Variants in METTL15 observed in about 807,000 individuals in gnomAD.
METTL15 encodes the protein methyltransferase 15, mitochondrial 12S rRNA N4-cytidine.
METTL15 carries 34 observed loss-of-function variants against 38.3 expected under a neutral mutation model. The ratio of observed to expected loss-of-function variants is 0.89; its 90% CI spans 0.68 to 1.18. The LOEUF is 1.18. Among genes scored for constraint, METTL15 ranks in the 50% most tolerant of loss-of-function variants. The pLI, the probability that METTL15 is intolerant of heterozygous loss-of-function variation, is 0.00. For synonymous variants in METTL15, 162 were observed against 170.9 expected (o/e 0.95, Z 0.41); for missense variants, 438 against 498.4 (o/e 0.88, Z 1.15).
intron 6 of METTL15, among the ~76,000 whole-genome samples, chr11:28,426,596 T>TTTG (rs1247378711): frequency 6.6e-6 from 1 of 151,102 alleles, no homozygotes; most frequent in African/African-American, 2.4e-5. Context: ...TTTTTTTTTT[T>TTTG]TTTTTTTTTT....
At chr11:28,272,999 A>C (rs1295170300) in intron 4 of METTL15, among the ~76,000 whole-genome samples, 1 of 152,178 alleles carries the variant, frequency 6.6e-6, no homozygotes, top group South Asian at 2.1e-4. Context: ...CTCTAAGCCA[A>C]CGTTTCTATA....
intron 5 of METTL15, among the ~76,000 whole-genome samples, chr11:28,292,760 G>A (rs1193143382): frequency 6.6e-6 from 1 of 152,160 alleles, no homozygotes; most frequent in Non-Finnish European, 1.5e-5. Flanking sequence ...TCTAACTGGT[G>A]TGAGATGGTA....
chr11:28,347,492 T>G (rs138481401), intron 3 of METTL15, among the ~76,000 whole-genome samples: 1 of 152,358 alleles, frequency 6.6e-6, no homozygotes, highest in African/African-American at 2.4e-5. Flanking sequence ...TTTCTCCTAA[T>G]AAACTCCTTC....
chr11:28,436,855 A>T (rs1433754984), intron 6 of METTL15, among the ~76,000 whole-genome samples: 1 of 151,942 alleles, frequency 6.6e-6, no homozygotes, highest in African/African-American at 2.4e-5. Context: ...GTCTATGGGG[A>T]TGTTGTGAAA....
At chr11:28,328,257 A>G in intron 6 of METTL15, 7 of 1,247,130 alleles carry the variant, frequency 5.6e-6, no homozygotes, top group Non-Finnish European at 7.7e-6. Context: ...AGTGTCTAAC[A>G]TTCTCCAGAC....
intron 3 of METTL15, among the ~76,000 whole-genome samples, chr11:28,143,381 T>G (rs1344141287): frequency 6.6e-6 from 1 of 152,156 alleles, no homozygotes; most frequent in Non-Finnish European, 1.5e-5. Flanking sequence ...GACTCTTAAT[T>G]CCCAGCAGTA....
chr11:28,198,301 A>T (rs1205392072), intron 3 of METTL15, among the ~76,000 whole-genome samples: 1 of 152,110 alleles, frequency 6.6e-6, no homozygotes, highest in African/African-American at 2.4e-5. Context: ...CTATGATTAA[A>T]TACATCCTAT....
At position 28,488,001 on chromosome 11, in the gene METTL15, A is replaced by G. The variant is rs530125159; in HGVS notation, c.*425-38477A>G. 5.3e-5 allele frequency among the ~76,000 whole-genome samples: 8 copies of G among 152,300 alleles called. No homozygotes were observed. The East Asian group carries it at 1.5e-3, about 29-fold the overall frequency. ...TGTAGCTAGCATCAGAACTCTAGCT[A>G]GTGTCTACACTGAGGACAGGACAAT... On this transcript the variant is annotated intron_variant and NMD_transcript_variant, in intron 6 of 7. Coordinates refer to the METTL15 transcript ENST00000532947.
chr11:28,360,199 T>C (rs1025289774), intron 4 of METTL15, among the ~76,000 whole-genome samples: 2 of 152,236 alleles, frequency 1.3e-5, no homozygotes, highest in South Asian at 4.1e-4. Context: ...ATTCTTTCAC[T>C]TGCCATTTGC....
intron 3 of METTL15, among the ~76,000 whole-genome samples, chr11:28,143,818 A>C (rs1849785141): frequency 6.6e-6 from 1 of 152,230 alleles, no homozygotes; most frequent in Non-Finnish European, 1.5e-5. Flanking sequence ...GAGTAGTTCC[A>C]TCATTTAATG....
chr11:28,120,872 C>T (rs910589619), intron 3 of METTL15, among the ~76,000 whole-genome samples: 8 of 151,896 alleles, frequency 5.3e-5, no homozygotes, highest in African/African-American at 1.9e-4. Flanking sequence ...TTTTTTTCTC[C>T]TTTTTTCTTT....
chr11:28,442,599 A>G (rs1403714140), intron 6 of METTL15, among the ~76,000 whole-genome samples: 1 of 152,162 alleles, frequency 6.6e-6, no homozygotes, highest in Non-Finnish European at 1.5e-5. Context: ...ATTGCTTTAC[A>G]TTGCAAAATG....
intron 5 of METTL15, among the ~76,000 whole-genome samples, chr11:28,293,427 G>C (rs112515063): frequency 6.6e-6 from 1 of 151,686 alleles, no homozygotes; most frequent in Non-Finnish European, 1.5e-5. Flanking sequence ...CTCTGTTTTG[G>C]TACCAGTACC....
chr11:28,500,627 G>A (rs1031863027), intron 6 of METTL15, among the ~76,000 whole-genome samples: 2 of 151,774 alleles, frequency 1.3e-5, no homozygotes, highest in African/African-American at 4.8e-5. Flanking sequence ...AGGTTCAAGC[G>A]ATTCTCCTGC....
chr11:28,395,060 T>G (rs138444745), intron 5 of METTL15, among the ~76,000 whole-genome samples: 2 of 152,216 alleles, frequency 1.3e-5, no homozygotes, highest in African/African-American at 4.8e-5. Flanking sequence ...ATGAAATCAA[T>G]TTTTGGAGAG....
At chr11:28,168,536 A>G (rs1850738177) in intron 3 of METTL15, among the ~76,000 whole-genome samples, 1 of 151,724 alleles carries the variant, frequency 6.6e-6, no homozygotes, top group Non-Finnish European at 1.5e-5. Context: ...TGACATATGT[A>G]TACATGTGCC....
intron 6 of METTL15, among the ~76,000 whole-genome samples, chr11:28,485,693 A>T (rs549609139): frequency 1.3e-5 from 2 of 152,328 alleles, no homozygotes; most frequent in Admixed American, 6.5e-5. Flanking sequence ...AATTTCATTT[A>T]ATTCACCCCT....
chr11:28,233,454 C>A (rs1853779428), intron 4 of METTL15, among the ~76,000 whole-genome samples: 1 of 151,636 alleles, frequency 6.6e-6, no homozygotes, highest in South Asian at 2.1e-4. Context: ...CATATATAGA[C>A]TGTGGCTAAT....
intron 5 of METTL15, among the ~76,000 whole-genome samples, chr11:28,417,723 T>C (rs982564007): frequency 6.6e-6 from 1 of 152,158 alleles, no homozygotes; most frequent in African/African-American, 2.4e-5. Context: ...TGCCTTTGTG[T>C]TTCCTGAGTG....
Sources: allele counts gnomAD v4.1 joint callset (sites outside exome capture counted in the v4.1 genomes callset), GRCh38; gene constraint gnomAD v4.1.1; transcripts MANE v1.5; gene names NCBI Gene and HGNC (gene_info 2026-07-23, HGNC 2026-07-21).